The following CCDC66 variants were observed in gnomAD, a reference collection of about 807,000 sequenced individuals.
The protein encoded by CCDC66 is coiled-coil domain-containing protein 66.
A neutral mutation model predicts 128.3 loss-of-function variants in CCDC66; 133 were observed. The observed-to-expected ratio is 1.04, with a 90% confidence interval of 0.90 to 1.20. CCDC66 has a LOEUF of 1.20. CCDC66 is among the 50% of genes most tolerant of loss of function. The probability of loss-of-function intolerance (pLI) is 0.00; values close to 1 mark genes in which losing one functional copy is unlikely to be tolerated. For synonymous variants in CCDC66, 387 were observed against 357.0 expected (o/e 1.08, Z -0.95); for missense variants, 1,126 against 1,075.5 (o/e 1.05, Z -0.66).
At chr3:56,594,332 C>A (rs2071474108) in intron 10 of CCDC66, among the ~76,000 whole-genome samples, 1 of 145,400 alleles carries the variant, frequency 6.9e-6, no homozygotes, top group South Asian at 2.2e-4. Flanking sequence ...CTCCTGAGTT[C>A]TGTTTAAGAT....
chr3:56,617,136 C>G lies in CCDC66; in HGVS notation c.1868C>G (p.Thr623Ser). 6.4e-7 allele frequency: 1 copy of G among 1,554,134 alleles called. No individual in the cohort carries two copies. The highest frequency in any genetic ancestry group is 8.7e-7 in the Non-Finnish European group (1 of 1,152,568). The change falls in exon 14 of 18, where the codon ACC becomes AGC. Residue 623 changes from threonine (T) to serine (S), a missense_variant. Coordinates refer to ENST00000394672, the MANE Select transcript of CCDC66 (RefSeq NM_001141947.3). The stretch of plus-strand genomic sequence containing the variant: ...GATGACTTAAATATAGGAATATTCA[C>G]CAATGCAGAATCACATTGTGGATCA... ...QTDDLNIGIF[T>S]NAESHCGSLM...
At chr3:56,564,325 T>C (rs938227353) in intron 4 of CCDC66, among the ~76,000 whole-genome samples, 200 bp downstream of exon 4, 2 of 152,162 alleles carry the variant, frequency 1.3e-5, no homozygotes, top group African/African-American at 4.8e-5. Context: ...AAGGTTAGTG[T>C]TCAGAATATT....
intron 4 of CCDC66, among the ~76,000 whole-genome samples, chr3:56,565,460 T>C (rs2065693171): frequency 6.7e-6 from 1 of 149,328 alleles, no homozygotes; most frequent in Admixed American, 6.7e-5. Flanking sequence ...TTTTTTCTTT[T>C]TTTTGTATTT....
chr3:56,611,229 G>T (rs2074759979), intron 10 of CCDC66, among the ~76,000 whole-genome samples: 1 of 152,060 alleles, frequency 6.6e-6, no homozygotes, highest in Admixed American at 6.5e-5. Flanking sequence ...GGCTCTCCTT[G>T]GGTGGGTCTT....
At chr3:56,567,263 G>A (rs760068576) in intron 6 of CCDC66, among the ~76,000 whole-genome samples, 12 of 152,238 alleles carry the variant, frequency 7.9e-5, no homozygotes, top group East Asian at 1.9e-4. Flanking sequence ...GGTGGTGCAC[G>A]CCTGTAATCC....
intron 10 of CCDC66, among the ~76,000 whole-genome samples, chr3:56,608,458 T>C (rs1280717511): frequency 6.6e-6 from 1 of 152,192 alleles, no homozygotes; most frequent in Non-Finnish European, 1.5e-5. Context: ...ATTTCAGTGG[T>C]GTCAGTTGTA....
chr3:56,580,077 ATGAATC>A (rs1326316575), intron 7 of CCDC66, among the ~76,000 whole-genome samples: 11 of 151,842 alleles, frequency 7.2e-5, no homozygotes, highest in Non-Finnish European at 1.5e-4. Context: ...GACTTGCTTT[ATGAATC>A]TGGGTGCTCC....
intron 7 of CCDC66, among the ~76,000 whole-genome samples, chr3:56,575,714 T>A (rs936443677): frequency 4.6e-5 from 7 of 151,902 alleles, no homozygotes; most frequent in African/African-American, 1.7e-4. Context: ...GTTCTAGCTC[T>A]TATGTTTAGG....
At chr3:56,583,075 C>G (rs2068715556) in intron 7 of CCDC66, among the ~76,000 whole-genome samples, 1 of 151,350 alleles carries the variant, frequency 6.6e-6, no homozygotes, top group Non-Finnish European at 1.5e-5. Context: ...CAGGGTTGCT[C>G]AGGCTGGTCT....
intron 7 of CCDC66, among the ~76,000 whole-genome samples, chr3:56,578,469 G>A (rs1466702995): frequency 6.6e-6 from 1 of 151,784 alleles, no homozygotes; most frequent in African/African-American, 2.4e-5. Flanking sequence ...GAGAGAGAGG[G>A]CATCCTTGTT....
At chr3:56,601,347 C>G (rs888844958) in intron 10 of CCDC66, among the ~76,000 whole-genome samples, 1 of 151,974 alleles carries the variant, frequency 6.6e-6, no homozygotes, top group Non-Finnish European at 1.5e-5. Flanking sequence ...TGTTTTGGTA[C>G]CAGTACCATG....
Position 56,584,591 on chromosome 3 carries a change from G to A in CCDC66, c.937-8379G>A, listed in dbSNP as rs185402319. 3.2e-4 allele frequency among the ~76,000 whole-genome samples: 48 copies of A among 148,006 alleles called. 1 individual carries two copies. Among genetic ancestry groups the A allele is most frequent in the East Asian group, 1.1e-3 (5 of 4,644 alleles). ...GATGGGATGGCGGCCGGGAAGAGGCGCTCCTGACTTCCCAGACTGGGCGGC... is the reference window on the plus strand; with the variant it reads ...GATGGGATGGCGGCCGGGAAGAGGCACTCCTGACTTCCCAGACTGGGCGGC... On this transcript the variant is annotated intron_variant, in intron 7 of 17. Coordinates refer to ENST00000394672, the MANE Select transcript of CCDC66 (RefSeq NM_001141947.3).
At chr3:56,557,169 C>A, upstream of CCDC66, 1 of 1,546,268 alleles carries the variant, frequency 6.5e-7, no homozygotes, top group Non-Finnish European at 8.8e-7. Flanking sequence ...TGGCGTAGCG[C>A]TTGCTGAGCG....
intron 12 of CCDC66, chr3:56,615,502 G>A: frequency 4.6e-6 from 2 of 438,476 alleles, no homozygotes; most frequent in Non-Finnish European, 8.1e-6. Flanking sequence ...GCCTCCCAAA[G>A]TGTTGGGATT....
intron 7 of CCDC66, among the ~76,000 whole-genome samples, chr3:56,587,470 G>C (rs1237926847): frequency 6.7e-6 from 1 of 149,856 alleles, no homozygotes; most frequent in African/African-American, 2.4e-5. Context: ...ATGGAAGCAG[G>C]CATCTAACAT....
At chr3:56,620,002 C>G in intron 17 of CCDC66, 101 bp downstream of exon 17, 2 of 1,234,104 alleles carry the variant, frequency 1.6e-6, no homozygotes, top group Non-Finnish European at 2.2e-6. Flanking sequence ...CGGTGCATCC[C>G]AGGATTTAAC....
chr3:56,620,929 G>A (rs551329941), intron 17 of CCDC66: 2 of 152,630 alleles, frequency 1.3e-5, no homozygotes, highest in African/African-American at 4.8e-5. Context: ...GAGGCAGGCA[G>A]ATCATGAGGT....
intron 3 of CCDC66, among the ~76,000 whole-genome samples, chr3:56,561,645 G>C (rs190152916): frequency 1.1e-3 from 166 of 152,208 alleles, no homozygotes; most frequent in Admixed American, 1.8e-3. Flanking sequence ...TTCCCATATT[G>C]ATAGAGGTTA....
rs1386898979 is a variant in CCDC66 at position 56,598,356 on chromosome 3, A to AT, written c.1404+4331dup. Among the ~76,000 whole-genome samples the AT allele has an allele frequency of 8.0e-5, 12 of 150,756 alleles. No individual in the cohort carries two copies. The South Asian group carries it at 1.7e-3, about 21-fold the overall frequency. On this transcript the variant is annotated intron_variant, in intron 10 of 17. Coordinates refer to ENST00000394672, the MANE Select transcript of CCDC66 (RefSeq NM_001141947.3). ...CATAGGGGACTTTTTATTTTATTTT[A>AT]TTTATTTTCTATTTTATTTATTTTA...
Sources: gnomAD v4.1 joint callset for allele counts (sites outside exome capture counted in the v4.1 genomes callset) on GRCh38, gnomAD v4.1.1 for gene constraint, MANE v1.5 for transcripts, NCBI Gene and HGNC (gene_info 2026-07-23, HGNC 2026-07-21) for gene names.